The following HMCN1 variants were observed in gnomAD, a reference collection of about 807,000 sequenced individuals.
HMCN1 encodes the protein hemicentin 1, also known as hemicentin-1.
In HMCN1, 321 loss-of-function variants were observed where a neutral mutation model predicts 625.9. The observed-to-expected ratio is 0.51, with a 90% CI of 0.47 to 0.56. The LOEUF (loss-of-function observed/expected upper bound fraction) is 0.56. Among genes scored for constraint, HMCN1 ranks in the 20% least tolerant of loss-of-function variants. The pLI is 0.00. For missense variants in HMCN1, 6,588 were observed against 6,887.3 expected (o/e 0.96, Z 1.54); for synonymous variants, 2,425 against 2,417.6 (o/e 1.00, Z -0.09).
intron 45 of HMCN1, among the ~76,000 whole-genome samples, chr1:186,056,424 G>A (rs1277412777): frequency 6.6e-6 from 1 of 151,970 alleles, no homozygotes; most frequent in Non-Finnish European, 1.5e-5. Context: ...CTATAAGTAG[G>A]TTATGAATCC....
At chr1:185,815,979 A>G (rs78631247) in intron 1 of HMCN1, among the ~76,000 whole-genome samples, 1 of 150,004 alleles carries the variant, frequency 6.7e-6, no homozygotes, top group Non-Finnish European at 1.5e-5. Context: ...ATACCCATTC[A>G]TTGTGTAATG....
chr1:186,056,461 A>T (rs952204036), intron 45 of HMCN1, among the ~76,000 whole-genome samples: 5 of 151,996 alleles, frequency 3.3e-5, no homozygotes, highest in Non-Finnish European at 7.4e-5. Context: ...AGAAAAGATG[A>T]GTGATTCATA....
chr1:185,969,598 C>T (rs774225374), intron 14 of HMCN1, among the ~76,000 whole-genome samples: 1 of 152,070 alleles, frequency 6.6e-6, no homozygotes, highest in Non-Finnish European at 1.5e-5. Flanking sequence ...CCTTTTCAGG[C>T]TTGACATCTG....
intron 104 of HMCN1, among the ~76,000 whole-genome samples, chr1:186,181,650 A>G (rs1652941536): frequency 6.6e-6 from 1 of 152,202 alleles, no homozygotes; most frequent in Non-Finnish European, 1.5e-5. Flanking sequence ...ACAAAAATAA[A>G]AAACATTTCC....
rs756561243 is a variant in HMCN1, at chr1:186,151,591, CT to C, written c.14759-7del. ...AAATTTTGCTATCACCTTATTTATC[CT>C]TTTTTTTCTTTAGGTTCAGCAATGA... On this transcript the variant is annotated splice_polypyrimidine_tract_variant and intron_variant, in intron 94 of 106. Coordinates refer to ENST00000271588, the MANE Select transcript of HMCN1 (RefSeq NM_031935.3). The C allele has an allele frequency of 1.8e-4, 297 of 1,606,714 alleles. No individual in the cohort carries two copies. In the African/African-American group the frequency reaches 3.6e-3, roughly 19 times the overall value.
At chr1:186,131,870 G>A (rs749665183) in intron 85 of HMCN1, among the ~76,000 whole-genome samples, 8 of 152,004 alleles carry the variant, frequency 5.3e-5, no homozygotes, top group Non-Finnish European at 8.8e-5. Flanking sequence ...AATTTCAAAC[G>A]CTCTAGACAA....
chr1:185,803,188 C>CAAAAAAAAAAAAAAAAAAAA (rs1245942461), intron 1 of HMCN1, among the ~76,000 whole-genome samples: 2 of 33,848 alleles, frequency 5.9e-5, no homozygotes, highest in East Asian at 9.1e-4. Flanking sequence ...TTAGCAGAAC[C>CAAAAAAAAAAAAAAAAAAAA]AAAAAAAAAA....
intron 40 of HMCN1, among the ~76,000 whole-genome samples, chr1:186,045,085 G>A (rs576594414): frequency 1.3e-5 from 2 of 152,050 alleles, no homozygotes; most frequent in East Asian, 3.9e-4. Flanking sequence ...TTGTTCTTTA[G>A]AAAGTTGACA....
chr1:185,902,387 A>G (rs1665854806), intron 4 of HMCN1, among the ~76,000 whole-genome samples: 1 of 142,650 alleles, frequency 7.0e-6, no homozygotes, highest in African/African-American at 2.9e-5. Flanking sequence ...GTCTCTATCT[A>G]TCTATCTATC....
intron 97 of HMCN1, 86 bp downstream of exon 97, chr1:186,154,073 A>G: frequency 9.7e-7 from 1 of 1,029,288 alleles, no homozygotes; most frequent in Non-Finnish European, 1.5e-6. Flanking sequence ...TGAGGCCTAC[A>G]TCTAACATGA....
At chr1:185,979,534 A>C (rs1651471485) in intron 16 of HMCN1, among the ~76,000 whole-genome samples, 2 of 152,236 alleles carry the variant, frequency 1.3e-5, no homozygotes, top group Non-Finnish European at 2.9e-5. Flanking sequence ...AGTAATTAGA[A>C]ACTTGGTTCT....
Position 185,982,294 on chromosome 1 carries a change from G to C in HMCN1, c.2695G>C (p.Ala899Pro). ...ACTTATTGGAATCAGCCCTTCAGTG[G>C]CCAATGTTATTGAAGGACAGCAGCT... is the stretch of plus-strand genomic sequence containing the variant. ...APLIGISPSV[A>P]NVIEGQQLTL... Residue 899 changes from alanine to proline, a missense_variant, in exon 18 of 107, where the codon GCC (alanine) becomes CCC (proline). Ala to Pro is a conservative substitution (Grantham distance 27). Coordinates refer to ENST00000271588, the MANE Select transcript of HMCN1 (RefSeq NM_031935.3). The C allele has an allele frequency of 6.2e-7, 1 of 1,613,112 alleles. No homozygotes were observed. Among genetic ancestry groups the C allele is most frequent in the Non-Finnish European group, 8.5e-7 (1 of 1,179,148 alleles).
chr1:185,795,134 C>G (rs1658279587), intron 1 of HMCN1, among the ~76,000 whole-genome samples: 1 of 152,134 alleles, frequency 6.6e-6, no homozygotes, highest in Admixed American at 6.6e-5. Flanking sequence ...TGTTCTACAA[C>G]TGAGTGTCTA....
chr1:186,094,236 TGGGA>T (rs1660006717), intron 66 of HMCN1, 36 bp from the exon 67 acceptor site: 1 of 1,401,126 alleles, frequency 7.1e-7, no homozygotes, highest in African/African-American at 1.4e-5. Context: ...ACTTGTTGTA[TGGGA>T]GCAAGTGATG....
In HMCN1 at chr1:186,145,847, T is replaced by A; in HGVS notation, c.14532T>A (p.Pro4844=). The A allele has an allele frequency of 2.5e-6, 4 of 1,614,110 alleles. No homozygotes were observed. The highest frequency in any genetic ancestry group is 3.4e-6 in the Non-Finnish European group (4 of 1,180,006). Residue 4844 remains proline, a synonymous_variant, in exon 93 of 107, where the codon CCT becomes CCA. Transcript: ENST00000271588. ...CTCGGAAGCGGCTGTGCGACCATCC[T>A]GTGCCAGTTAAAGGTGGCCGTCCCT... ...EKTRKRLCDH[P]VPVKGGRPCP...
chr1:186,060,822 TG>T (rs1657640975), intron 46 of HMCN1, among the ~76,000 whole-genome samples: 2 of 152,258 alleles, frequency 1.3e-5, no homozygotes, highest in African/African-American at 4.8e-5. Flanking sequence ...GTGTCTGGGC[TG>T]GTTGTCTTTC....
At chr1:185,855,797 G>T (rs1662431862) in intron 2 of HMCN1, among the ~76,000 whole-genome samples, 1 of 152,158 alleles carries the variant, frequency 6.6e-6, no homozygotes, top group Non-Finnish European at 1.5e-5. Flanking sequence ...TACCTTTACT[G>T]TGCCTGGAAT....
intron 1 of HMCN1, among the ~76,000 whole-genome samples, chr1:185,769,524 C>G (rs1371062650): frequency 1.3e-5 from 2 of 152,014 alleles, no homozygotes; most frequent in Admixed American, 6.6e-5. Flanking sequence ...TTTTGCCTAT[C>G]ATATAAAAAG....
chr1:185,884,328 T>C (rs1464173691), intron 4 of HMCN1, among the ~76,000 whole-genome samples: 1 of 151,938 alleles, frequency 6.6e-6, no homozygotes, highest in Non-Finnish European at 1.5e-5. Flanking sequence ...CATGCACAGA[T>C]TGTTATTTAG....
Sources: allele counts gnomAD v4.1 joint callset (sites outside exome capture counted in the v4.1 genomes callset), GRCh38; gene constraint gnomAD v4.1.1; transcripts MANE v1.5; gene names NCBI Gene and HGNC (gene_info 2026-07-23, HGNC 2026-07-21).